The following FARS2 variants were observed in gnomAD, a reference collection of about 807,000 sequenced individuals.
The protein encoded by FARS2 is phenylalanyl-tRNA synthetase 2, mitochondrial, also known as phenylalanine--tRNA ligase, mitochondrial.
Under a neutral mutation model 46.4 loss-of-function variants are expected in FARS2, and 40 were observed. The ratio of observed to expected loss-of-function variants is 0.86; its 90% CI spans 0.67 to 1.12. FARS2 has a LOEUF of 1.12. FARS2 is among the 50% of genes most tolerant of loss of function. The pLI is 0.00. For synonymous variants in FARS2, 234 were observed against 214.9 expected (o/e 1.09, Z -0.78); for missense variants, 513 against 567.9 (o/e 0.90, Z 0.98).
intron 4 of FARS2, among the ~76,000 whole-genome samples, chr6:5,449,804 GC>G (rs1384808866): frequency 6.6e-6 from 1 of 152,140 alleles, no homozygotes; most frequent in Non-Finnish European, 1.5e-5. Context: ...CATCATGTGG[GC>G]CCTCAAAAAG....
intron 6 of FARS2, among the ~76,000 whole-genome samples, chr6:5,664,610 C>A (rs1778016806): frequency 6.6e-6 from 1 of 152,194 alleles, no homozygotes; most frequent in Admixed American, 6.5e-5. Flanking sequence ...TAATCTATGA[C>A]TATAAGTTCT....
intron 6 of FARS2, among the ~76,000 whole-genome samples, chr6:5,691,931 C>T (rs1470774873): frequency 6.6e-6 from 1 of 152,214 alleles, no homozygotes; most frequent in Non-Finnish European, 1.5e-5. Context: ...GCAGTTTGAT[C>T]TCAGACTGCT....
At chr6:5,560,889 GGGACAGAGGCA>G (rs1771943168) in intron 5 of FARS2, among the ~76,000 whole-genome samples, 1 of 152,152 alleles carries the variant, frequency 6.6e-6, no homozygotes, top group African/African-American at 2.4e-5. Context: ...AACACTCTGG[GGGACAGAGGCA>G]GGCAGATCAC....
intron 3 of FARS2, among the ~76,000 whole-genome samples, chr6:5,406,920 G>A (rs188307889): frequency 6.6e-6 from 1 of 151,520 alleles, no homozygotes; most frequent in African/African-American, 2.4e-5. Context: ...TTTAATTGTA[G>A]CCATTCTAAC....
chr6:5,529,273 A>G (rs1769665012), intron 4 of FARS2, among the ~76,000 whole-genome samples: 1 of 152,166 alleles, frequency 6.6e-6, no homozygotes, highest in South Asian at 2.1e-4. Context: ...GCCAGAAAGC[A>G]TCTATCACAT....
At chr6:5,609,735 T>C (rs1775065310) in intron 5 of FARS2, 1 of 1,516,676 alleles carries the variant, frequency 6.6e-7, no homozygotes, top group Non-Finnish European at 9.0e-7. Context: ...TCGTCAAAAG[T>C]TACAAAGGCA....
intron 6 of FARS2, among the ~76,000 whole-genome samples, chr6:5,706,835 C>T (rs183006036): frequency 6.6e-6 from 1 of 152,218 alleles, no homozygotes; most frequent in Admixed American, 6.5e-5. Flanking sequence ...GAACAGCATT[C>T]AGACAAGGCT....
chr6:5,742,211 T>A (rs768670431), intron 6 of FARS2, among the ~76,000 whole-genome samples: 2 of 152,208 alleles, frequency 1.3e-5, no homozygotes, highest in Non-Finnish European at 1.5e-5. Flanking sequence ...AGCCGGCATC[T>A]CATGTCCCAC....
rs1482027007 is a variant in FARS2 at position 5,728,246 on chromosome 6, TCAAAA to T, written c.1218-43044_1218-43040del. On this transcript the variant is annotated intron_variant, in intron 6 of 6. Transcript: ENST00000274680. ...TTCCACCCAATAATTTGGGTTTGTTTCAAAATAGCCTAATAGCTGGGAATGGGCTG... is the reference window on the plus strand; with the variant it reads ...TTCCACCCAATAATTTGGGTTTGTTTTAGCCTAATAGCTGGGAATGGGCTG... Among the ~76,000 whole-genome samples, 26 of 152,318 alleles carry T rather than the reference TCAAAA, an allele frequency of 1.7e-4. 1 individual carries two copies. In the East Asian group the frequency reaches 4.6e-3, roughly 27 times the overall value.
rs1342905076 is a variant in FARS2 at position 5,343,958 on chromosome 6, TG to T, written c.-21-24591del. 3.3e-5 allele frequency among the ~76,000 whole-genome samples: 5 copies of T among 152,264 alleles called. No individual in the cohort carries two copies. The highest frequency in any genetic ancestry group is 1.2e-4 in the African/African-American group (5 of 41,470). On this transcript the variant is annotated intron_variant, in intron 1 of 6. Transcript: ENST00000274680. This position sits in a 1 kb window ranked among gnomAD's most constrained non-coding sequence, Gnocchi z 4.5. ...GCAATGGCTAAGAATGGGCACTGCC[TG>T]CTTCTGAGGTGTCCTCTGTCTTTGC...
intron 1 of FARS2, among the ~76,000 whole-genome samples, chr6:5,290,176 C>T (rs1369000079): frequency 2.0e-5 from 3 of 152,164 alleles, no homozygotes; most frequent in African/African-American, 7.2e-5. Context: ...CAACAAAAGT[C>T]TTAAGTCAAT....
In FARS2 at chr6:5,301,483, G is replaced by A. The variant is rs144398799; in HGVS notation, c.-22+39823G>A. The stretch of plus-strand genomic sequence containing the variant: ...ACAAAGAAGATGGCAGCAAAGTAAC[G>A]GCAAGTTCTCTTTCAAAGCCTAGCC... On this transcript the variant is annotated intron_variant, in intron 1 of 6. Coordinates refer to ENST00000274680, the MANE Select transcript of FARS2 (RefSeq NM_006567.5). Among the ~76,000 whole-genome samples the A allele has an allele frequency of 7.9e-5, 12 of 152,120 alleles. No individual in the cohort carries two copies. The East Asian group carries it at 1.9e-3, about 25-fold the overall frequency.
chr6:5,643,520 C>G (rs1359351419), intron 6 of FARS2, among the ~76,000 whole-genome samples: 3 of 152,188 alleles, frequency 2.0e-5, no homozygotes, highest in African/African-American at 4.8e-5. Context: ...TAAACATTTC[C>G]TCACTGTGTT....
At chr6:5,538,647 A>G (rs908909680) in intron 4 of FARS2, among the ~76,000 whole-genome samples, 12 of 152,340 alleles carry the variant, frequency 7.9e-5, no homozygotes, top group Admixed American at 5.9e-4. Flanking sequence ...AGCCTCCTAC[A>G]GAAAACTATA....
chr6:5,661,563 G>A (rs75580721), intron 6 of FARS2, among the ~76,000 whole-genome samples: 2,623 of 152,182 alleles, frequency 0.017, 96 homozygotes, highest in African/African-American at 0.06. Flanking sequence ...TGTGAGTGCT[G>A]GAAGCCAGGG....
intron 3 of FARS2, 57 bp downstream of exon 3, chr6:5,404,758 G>A (rs1012491193): frequency 1.3e-6 from 1 of 795,624 alleles, no homozygotes; most frequent in Non-Finnish European, 1.8e-6. Flanking sequence ...GGACAGAAGT[G>A]TTTTGGATTT....
At chr6:5,605,892 G>T (rs1774805383) in intron 5 of FARS2, among the ~76,000 whole-genome samples, 2 of 152,162 alleles carry the variant, frequency 1.3e-5, no homozygotes, top group African/African-American at 2.4e-5. Flanking sequence ...TCTCAGAAAT[G>T]AGTGATAGAT....
chr6:5,459,634 C>G (rs1406544790), intron 4 of FARS2, among the ~76,000 whole-genome samples: 3 of 152,054 alleles, frequency 2.0e-5, no homozygotes, highest in African/African-American at 7.2e-5. Context: ...ATGTCACTGC[C>G]TGTTCCTCTT....
At chr6:5,603,935 T>C (rs1261504872) in intron 5 of FARS2, among the ~76,000 whole-genome samples, 3 of 152,130 alleles carry the variant, frequency 2.0e-5, no homozygotes, top group East Asian at 3.9e-4. Context: ...AGTTAAAGGC[T>C]GCAGCTCAGA....
Sources: gnomAD v4.1 joint callset for allele counts (sites outside exome capture counted in the v4.1 genomes callset) on GRCh38, gnomAD v4.1.1 for gene constraint, Gnocchi (gnomAD v3.1) non-coding constraint, MANE v1.5 for transcripts, NCBI Gene and HGNC (gene_info 2026-07-23, HGNC 2026-07-21) for gene names.